The following ROBO2 variants were observed in gnomAD, a reference collection of about 807,000 sequenced individuals.
ROBO2 encodes the protein roundabout homolog 2.
ROBO2 carries 53 observed loss-of-function variants against 160.8 expected under a neutral mutation model. That is an observed-to-expected ratio of 0.33 (90% confidence interval 0.26 to 0.41). ROBO2 has a LOEUF of 0.41. Ranked by LOEUF, ROBO2 falls within the 10% of genes least tolerant of loss-of-function variation. The pLI, the probability that ROBO2 is intolerant of heterozygous loss-of-function variation, is 1.00. For missense variants in ROBO2, 1,577 were observed against 1,722.4 expected (o/e 0.92, Z 1.49); for synonymous variants, 664 against 611.7 (o/e 1.09, Z -1.26).
intron 2 of ROBO2, among the ~76,000 whole-genome samples, chr3:76,110,031 A>ATG (rs912263040): frequency 2.6e-5 from 4 of 150,992 alleles, no homozygotes; most frequent in African/African-American, 4.9e-5. Context: ...TTATATATAT[A>ATG]TGTGTGTGTA....
At chr3:77,333,072 A>T (rs1208154606) in intron 2 of ROBO2, among the ~76,000 whole-genome samples, 3 of 152,198 alleles carry the variant, frequency 2.0e-5, no homozygotes, top group Non-Finnish European at 4.4e-5. Context: ...CTTTGTGCAG[A>T]TACCTCTGTC....
chr3:76,478,859 G>T (rs1215279927), intron 2 of ROBO2, among the ~76,000 whole-genome samples: 1 of 151,792 alleles, frequency 6.6e-6, no homozygotes, highest in Non-Finnish European at 1.5e-5. Context: ...TGTAGAGTTG[G>T]GGTCTCCCTA....
intron 2 of ROBO2, among the ~76,000 whole-genome samples, chr3:76,614,096 C>T (rs1054754801): frequency 6.6e-6 from 1 of 152,112 alleles, no homozygotes; most frequent in Non-Finnish European, 1.5e-5. Context: ...AAAGCCACCA[C>T]AGCAAATTCT....
At chr3:77,164,525 G>T (rs1199477923) in intron 2 of ROBO2, among the ~76,000 whole-genome samples, 3 of 146,402 alleles carry the variant, frequency 2.0e-5, no homozygotes, top group Non-Finnish European at 3.1e-5. Context: ...GTGCTGTCCG[G>T]GAGGGAGGTG....
chr3:76,524,333 A>G (rs1164103000), intron 2 of ROBO2, among the ~76,000 whole-genome samples: 1 of 151,996 alleles, frequency 6.6e-6, no homozygotes, highest in Non-Finnish European at 1.5e-5. Context: ...TGTCATTGAA[A>G]CTACTCTAAT....
At chr3:76,997,574 A>C (rs542550489) in intron 2 of ROBO2, among the ~76,000 whole-genome samples, 14 of 152,304 alleles carry the variant, frequency 9.2e-5, no homozygotes, top group Admixed American at 8.5e-4. Context: ...GTTTTATGAA[A>C]GCAATGTAAT....
At chr3:76,095,718 A>G (rs1378517695) in intron 2 of ROBO2, among the ~76,000 whole-genome samples, 3 of 151,002 alleles carry the variant, frequency 2.0e-5, no homozygotes, top group Non-Finnish European at 4.4e-5. Flanking sequence ...CACATATATT[A>G]TGAATTATAT....
chr3:76,163,137 A>G (rs2072701890), intron 2 of ROBO2, among the ~76,000 whole-genome samples: 1 of 152,062 alleles, frequency 6.6e-6, no homozygotes, highest in South Asian at 2.1e-4. Flanking sequence ...CATGTTTATC[A>G]TTGTTTGTTG....
At chr3:77,243,611 C>G (rs1375056952) in intron 2 of ROBO2, among the ~76,000 whole-genome samples, 1 of 152,126 alleles carries the variant, frequency 6.6e-6, no homozygotes, top group Admixed American at 6.5e-5. Flanking sequence ...TGGTGCTTCG[C>G]AAAGCTGTGC....
chr3:75,916,420 C>G (rs2106783628), intron 1 of ROBO2, among the ~76,000 whole-genome samples: 1 of 152,138 alleles, frequency 6.6e-6, no homozygotes, highest in African/African-American at 2.4e-5. Context: ...TGTATTATAC[C>G]AACATGGCAG....
At chr3:76,399,388 C>T (rs966605965) in intron 2 of ROBO2, among the ~76,000 whole-genome samples, 4 of 151,616 alleles carry the variant, frequency 2.6e-5, no homozygotes, top group Admixed American at 1.3e-4. Context: ...ACACATAGGA[C>T]TGCAGAGTTT....
chr3:76,647,883 TA>T (rs1422139579), intron 2 of ROBO2, among the ~76,000 whole-genome samples: 2 of 152,148 alleles, frequency 1.3e-5, no homozygotes, highest in African/African-American at 4.8e-5. Flanking sequence ...AAATCATAAA[TA>T]TTTTCAGAAT....
intron 2 of ROBO2, among the ~76,000 whole-genome samples, chr3:76,276,407 C>T (rs1016414788): frequency 6.6e-5 from 10 of 151,930 alleles, no homozygotes; most frequent in African/African-American, 2.4e-5. Context: ...CTCAACTAGC[C>T]ACTTCGCTAC....
chr3:77,356,114 T>C (rs2069084042), intron 2 of ROBO2, among the ~76,000 whole-genome samples: 1 of 152,182 alleles, frequency 6.6e-6, no homozygotes, highest in South Asian at 2.1e-4. Flanking sequence ...AATAAATATG[T>C]AAATGTTGGT....
At chr3:77,625,386 C>CTTCT (rs1559754172) in intron 23 of ROBO2, among the ~76,000 whole-genome samples, 2 of 145,080 alleles carry the variant, frequency 1.4e-5, no homozygotes, top group South Asian at 4.4e-4. Context: ...TTTCTTTCTT[C>CTTCT]TTTTTTTTTT....
rs117100339 is a variant in ROBO2, at chr3:75,996,275, T to C, written c.109+58673T>C. On this transcript the variant is annotated intron_variant, in intron 2 of 26. Transcript: ENST00000487694. Reference sequence around the variant, plus strand: ...GACCTAGTGGGAGGCAATTGAATCATGTGGGAGGTTTCCCTCATGCTGTTC... The same window carrying C: ...GACCTAGTGGGAGGCAATTGAATCACGTGGGAGGTTTCCCTCATGCTGTTC... Among the ~76,000 whole-genome samples the C allele has an allele frequency of 6.9e-3, 1,054 of 152,284 alleles. 70 individuals are homozygous for C. The East Asian group carries it at 0.17, about 25-fold the overall frequency.
At position 76,261,227 on chromosome 3, in the gene ROBO2, T is replaced by G. The variant is rs1331662789; in HGVS notation, c.109+323625T>G. 2.0e-5 allele frequency among the ~76,000 whole-genome samples: 3 copies of G among 146,702 alleles called. No homozygotes were observed. In the East Asian group the frequency reaches 6.1e-4, roughly 30 times the overall value. The stretch of plus-strand genomic sequence containing the variant: ...GTATATATATATATAAATGACAGCT[T>G]CCTATGAATTCTAATATAAAGAGAG... On this transcript the variant is annotated intron_variant, in intron 2 of 26. Coordinates refer to the ROBO2 transcript ENST00000487694.
At chr3:76,283,170 T>C (rs1708335385) in intron 2 of ROBO2, among the ~76,000 whole-genome samples, 1 of 20,216 alleles carries the variant, frequency 4.9e-5, no homozygotes, top group Non-Finnish European at 1.8e-4. Flanking sequence ...ATATATATAG[T>C]GACCCCTGCC....
chr3:76,228,253 G>A (rs887540496), intron 2 of ROBO2, among the ~76,000 whole-genome samples: 13 of 152,130 alleles, frequency 8.5e-5, no homozygotes, highest in African/African-American at 3.1e-4. Flanking sequence ...GCACATATAA[G>A]ACAGCAAATG....
Sources: gnomAD v4.1 joint callset for allele counts (sites outside exome capture counted in the v4.1 genomes callset) on GRCh38, gnomAD v4.1.1 for gene constraint, MANE v1.5 for transcripts, NCBI Gene and HGNC (gene_info 2026-07-23, HGNC 2026-07-21) for gene names.